DCT: variants seen among roughly 807,000 people sequenced by gnomAD.
The protein encoded by DCT is dopachrome tautomerase, also known as L-dopachrome tautomerase.
Under a neutral mutation model 53.0 loss-of-function variants are expected in DCT, and 47 were observed. The ratio of observed to expected loss-of-function variants is 0.89; its 90% CI spans 0.70 to 1.13. The LOEUF is 1.13. DCT is among the 50% of genes most tolerant of loss of function. The pLI is 0.00. For missense variants in DCT, 669 were observed against 637.4 expected, an observed-to-expected ratio of 1.05 and a Z score of -0.53; for synonymous variants, 244 against 237.0, an observed-to-expected ratio of 1.03 and a Z score of -0.27.
At chr13:94,493,899 A>G in the DCT span, among the ~76,000 whole-genome samples, 1 of 152,222 alleles carries the variant, frequency 6.6e-6, no homozygotes, top group East Asian at 1.9e-4. Context: ...TATGGGCCCA[A>G]GTTAATGATT....
At chr13:94,464,397 T>C (rs576122994) in intron 4 of DCT, among the ~76,000 whole-genome samples, 1 of 152,164 alleles carries the variant, frequency 6.6e-6, no homozygotes, top group South Asian at 2.1e-4. Flanking sequence ...CTCAGCACTT[T>C]GGGAGGCCAA....
the DCT span, among the ~76,000 whole-genome samples, chr13:94,515,774 C>T: frequency 6.6e-6 from 1 of 152,178 alleles, no homozygotes; most frequent in Non-Finnish European, 1.5e-5. Flanking sequence ...ACACTGCCTA[C>T]AGCACTGTAA....
Position 94,479,275 on chromosome 13 carries a change from C to T in DCT, c.-20G>A, listed in dbSNP as rs767259406. ...GCTCATGGCTTTATAATTGGGAGAG[C>T]TCTCTCTCTCTCTTACTTTCCTTGT... is the stretch of plus-strand genomic sequence containing the variant. On this transcript the variant is annotated 5_prime_UTR_variant, in exon 1 of 8. Coordinates refer to ENST00000377028, the MANE Select transcript of DCT (RefSeq NM_001922.5). 2.9e-6 allele frequency: 4 copies of T among 1,384,858 alleles called. No homozygotes were observed. The highest frequency in any genetic ancestry group is 3.9e-6 in the Non-Finnish European group (4 of 1,026,268). 85.8% of individuals were successfully genotyped at this position (1,384,858 alleles called of 1,614,324 possible). A position where few individuals can be genotyped will look rare whatever the true frequency, so the allele number is the denominator to read the frequency against.
the DCT span, among the ~76,000 whole-genome samples, chr13:94,529,420 C>T: frequency 6.6e-6 from 1 of 152,164 alleles, no homozygotes; most frequent in African/African-American, 2.4e-5. Flanking sequence ...TGTAAAAGAA[C>T]AGAAATCACA....
At chr13:94,522,530 G>A in the DCT span, among the ~76,000 whole-genome samples, 4 of 152,054 alleles carry the variant, frequency 2.6e-5, no homozygotes, top group Non-Finnish European at 4.4e-5. Context: ...TGTTCCTCTA[G>A]AGAACCCTGG....
At chr13:94,470,679 C>T (rs750781389) in intron 1 of DCT, among the ~76,000 whole-genome samples, 1 of 152,182 alleles carries the variant, frequency 6.6e-6, no homozygotes, top group Non-Finnish European at 1.5e-5. Flanking sequence ...TCCTGAAACA[C>T]TTTTCCCTCA....
At chr13:94,482,975 T>C (rs1885507968), upstream of DCT, among the ~76,000 whole-genome samples, 1 of 152,162 alleles carries the variant, frequency 6.6e-6, no homozygotes, top group Admixed American at 6.5e-5. Context: ...AAATTCTTCC[T>C]TTTCAATAAG....
chr13:94,515,711 C>T, the DCT span, among the ~76,000 whole-genome samples: 1 of 152,150 alleles, frequency 6.6e-6, no homozygotes, highest in Non-Finnish European at 1.5e-5. Context: ...AAGCTTGGAC[C>T]TCAGCTTACA....
the DCT span, among the ~76,000 whole-genome samples, chr13:94,549,400 T>C: frequency 6.6e-6 from 1 of 152,130 alleles, no homozygotes; most frequent in Non-Finnish European, 1.5e-5. Flanking sequence ...GCGCCGAGGG[T>C]GCCTCTGGGT....
chr13:94,524,686 G>T, the DCT span, among the ~76,000 whole-genome samples: 4 of 152,086 alleles, frequency 2.6e-5, no homozygotes, highest in East Asian at 7.7e-4. Flanking sequence ...TTCAGCCTTG[G>T]GGTTGTTTCT....
the DCT span, among the ~76,000 whole-genome samples, chr13:94,490,582 C>T: frequency 2.1e-5 from 3 of 143,484 alleles, no homozygotes; most frequent in Non-Finnish European, 1.5e-5. Flanking sequence ...AAAAATGGTT[C>T]TTCTCATTGA....
the DCT span, among the ~76,000 whole-genome samples, chr13:94,506,773 C>T: frequency 1.1e-4 from 16 of 152,028 alleles, no homozygotes; most frequent in Non-Finnish European, 2.4e-4. Flanking sequence ...CTGTAGGATA[C>T]CGCCTTAAAC....
chr13:94,512,902 C>G, the DCT span, among the ~76,000 whole-genome samples: 2 of 152,138 alleles, frequency 1.3e-5, no homozygotes, highest in African/African-American at 2.4e-5. Flanking sequence ...GCCAGAGGAG[C>G]CTTCATGCAG....
intron 1 of DCT, among the ~76,000 whole-genome samples, chr13:94,475,686 G>C (rs1885025473): frequency 6.6e-6 from 1 of 152,096 alleles, no homozygotes. Context: ...TACCACAAAA[G>C]CAAAAAATAA....
the DCT span, among the ~76,000 whole-genome samples, chr13:94,519,265 A>G: frequency 4.6e-5 from 7 of 152,174 alleles, no homozygotes; most frequent in Non-Finnish European, 1.5e-5. Flanking sequence ...TATAATTTTT[A>G]TAAGGTCTGG....
At chr13:94,446,734 T>A (rs1464862280) in intron 6 of DCT, among the ~76,000 whole-genome samples, 5 of 152,138 alleles carry the variant, frequency 3.3e-5, no homozygotes, top group African/African-American at 4.8e-5. Flanking sequence ...GGAAAATCTG[T>A]TCCAGACCTC....
the DCT span, among the ~76,000 whole-genome samples, chr13:94,542,717 G>C: frequency 6.6e-6 from 1 of 152,172 alleles, no homozygotes; most frequent in Non-Finnish European, 1.5e-5. Context: ...GACCAGCTCT[G>C]TGAAAAGCAT....
At chr13:94,521,817 G>C in the DCT span, among the ~76,000 whole-genome samples, 1 of 152,176 alleles carries the variant, frequency 6.6e-6, no homozygotes, top group Non-Finnish European at 1.5e-5. Context: ...CTTTTAGTAT[G>C]TTCAAAGAGT....
At chr13:94,490,514 A>AC in the DCT span, among the ~76,000 whole-genome samples, 6 of 142,220 alleles carry the variant, frequency 4.2e-5, no homozygotes, top group Admixed American at 2.1e-4. Flanking sequence ...CAAAAAAAAA[A>AC]AAAAAAAAAA....
Sources: gnomAD v4.1 joint callset for allele counts (sites outside exome capture counted in the v4.1 genomes callset) on GRCh38, gnomAD v4.1.1 for gene constraint, MANE v1.5 for transcripts, NCBI Gene and HGNC (gene_info 2026-07-23, HGNC 2026-07-21) for gene names.